CSMD1: variants seen among roughly 807,000 people sequenced by gnomAD.
The protein encoded by CSMD1 is CUB and sushi domain-containing protein 1.
A neutral mutation model predicts 417.5 loss-of-function variants in CSMD1; 213 were observed. That is an observed-to-expected ratio of 0.51 (90% CI 0.46 to 0.57). The LOEUF (loss-of-function observed/expected upper bound fraction) is 0.57. Ranked by LOEUF, CSMD1 falls within the 20% of genes least tolerant of loss-of-function variation. The pLI, the probability that CSMD1 is intolerant of heterozygous loss-of-function variation, is 0.00. For missense variants in CSMD1, 6,923 were observed against 4,529.7 expected, an observed-to-expected ratio of 1.53 and a Z score of -15.17; for synonymous variants, 2,862 against 1,736.8, an observed-to-expected ratio of 1.65 and a Z score of -16.11.
At chr8:4,919,227 T>G (rs1237458783) in intron 1 of CSMD1, among the ~76,000 whole-genome samples, 1 of 152,202 alleles carries the variant, frequency 6.6e-6, no homozygotes, top group East Asian at 1.9e-4. Context: ...AATTTAGTCA[T>G]AGCTACAATT....
chr8:3,779,148 C>CG (rs1799043889), intron 5 of CSMD1, among the ~76,000 whole-genome samples: 1 of 115,356 alleles, frequency 8.7e-6, no homozygotes, highest in African/African-American at 3.4e-5. Context: ...TGCGTGCATA[C>CG]TTGTGTGTGT....
chr8:4,079,410 C>G (rs1585267965), intron 3 of CSMD1, among the ~76,000 whole-genome samples: 1 of 152,140 alleles, frequency 6.6e-6, no homozygotes, highest in East Asian at 1.9e-4. Context: ...TCTATTTTAA[C>G]TCTGGCTAAA....
intron 1 of CSMD1, among the ~76,000 whole-genome samples, chr8:4,719,892 C>A (rs1007590576): frequency 6.6e-6 from 1 of 152,034 alleles, no homozygotes; most frequent in Admixed American, 6.6e-5. Flanking sequence ...GCTCACATAT[C>A]TATATTCGAC....
chr8:3,555,644 G>C (rs1254101153), intron 10 of CSMD1, among the ~76,000 whole-genome samples: 1 of 152,124 alleles, frequency 6.6e-6, no homozygotes, highest in African/African-American at 2.4e-5. Context: ...AGTAAATATG[G>C]AAGTACATGT....
At chr8:3,309,786 G>A (rs976982003) in intron 23 of CSMD1, among the ~76,000 whole-genome samples, 2 of 152,132 alleles carry the variant, frequency 1.3e-5, no homozygotes, top group African/African-American at 2.4e-5. Flanking sequence ...CCCTTCCATT[G>A]AGGAAAATGT....
chr8:4,644,343 C>A (rs1013923775), intron 1 of CSMD1, among the ~76,000 whole-genome samples: 1 of 152,156 alleles, frequency 6.6e-6, no homozygotes, highest in Non-Finnish European at 1.5e-5. Flanking sequence ...TCACTCAATG[C>A]AGTATACTCT....
At chr8:4,671,499 G>T (rs1166760538) in intron 1 of CSMD1, among the ~76,000 whole-genome samples, 1 of 152,168 alleles carries the variant, frequency 6.6e-6, no homozygotes, top group Non-Finnish European at 1.5e-5. Context: ...AATAATAGCA[G>T]TGATGTCGGC....
chr8:4,509,962 G>A (rs1233666491), intron 2 of CSMD1, among the ~76,000 whole-genome samples: 1 of 152,076 alleles, frequency 6.6e-6, no homozygotes, highest in East Asian at 1.9e-4. Context: ...TGATTTTGCT[G>A]TGTCTCCACC....
At chr8:3,964,286 T>A (rs1342775248) in intron 5 of CSMD1, among the ~76,000 whole-genome samples, 1 of 152,188 alleles carries the variant, frequency 6.6e-6, no homozygotes, top group Non-Finnish European at 1.5e-5. Context: ...ACAGGCTGCT[T>A]TAGGGAGCGT....
intron 3 of CSMD1, among the ~76,000 whole-genome samples, chr8:4,373,533 CCT>C (rs1802528863): frequency 6.6e-6 from 1 of 152,064 alleles, no homozygotes; most frequent in African/African-American, 2.4e-5. Flanking sequence ...CTGCATTATT[CCT>C]CTCACTTCTA....
Position 4,286,463 on chromosome 8 carries a change from C to G in CSMD1, c.415+133490G>C, listed in dbSNP as rs549606993. 2.2e-4 allele frequency among the ~76,000 whole-genome samples: 34 copies of G among 152,030 alleles called. 1 individual carries two copies. Among genetic ancestry groups the G allele is most frequent in the Admixed American group, 2.2e-3 (34 of 15,254 alleles). ...TTAGTCGGTTGCAATATGAATTACC[C>G]ATTGTGCCTCTTCATTTTAATAAGA... On this transcript the variant is annotated intron_variant, in intron 3 of 69. Coordinates refer to ENST00000635120, the MANE Select transcript of CSMD1 (RefSeq NM_033225.6).
At chr8:4,168,760 A>G (rs146143591) in intron 3 of CSMD1, among the ~76,000 whole-genome samples, 2 of 152,256 alleles carry the variant, frequency 1.3e-5, no homozygotes, top group African/African-American at 4.8e-5. Flanking sequence ...GTTAGGCTTT[A>G]TTTCTTTTCC....
At chr8:4,332,077 A>G (rs1799898527) in intron 3 of CSMD1, among the ~76,000 whole-genome samples, 1 of 152,130 alleles carries the variant, frequency 6.6e-6, no homozygotes, top group Admixed American at 6.6e-5. Flanking sequence ...GCTCCACTGA[A>G]TCATCTATTT....
intron 3 of CSMD1, among the ~76,000 whole-genome samples, chr8:4,160,880 C>G (rs537329735): frequency 6.6e-6 from 1 of 152,288 alleles, no homozygotes; most frequent in Non-Finnish European, 1.5e-5. Flanking sequence ...CTAAAAAGGA[C>G]ATACTGCTGT....
intron 18 of CSMD1, 111 bp downstream of exon 18, chr8:3,387,383 C>T (rs747020623): frequency 1.3e-5 from 11 of 822,358 alleles, no homozygotes; most frequent in African/African-American, 8.6e-5. Context: ...AGGGAACTCA[C>T]GCCAGTCGTA....
intron 3 of CSMD1, among the ~76,000 whole-genome samples, chr8:4,262,432 C>T (rs1195370016): frequency 1.3e-5 from 2 of 152,212 alleles, no homozygotes; most frequent in Admixed American, 1.3e-4. Flanking sequence ...TAAGAACATC[C>T]TTTCATGTTC....
At chr8:4,365,402 G>T (rs1325691126) in intron 3 of CSMD1, among the ~76,000 whole-genome samples, 2 of 152,038 alleles carry the variant, frequency 1.3e-5, no homozygotes, top group Non-Finnish European at 2.9e-5. Context: ...CTTTTTAAAT[G>T]TTAATTTTGC....
At chr8:4,138,479 C>T (rs916886541) in intron 3 of CSMD1, among the ~76,000 whole-genome samples, 1 of 152,138 alleles carries the variant, frequency 6.6e-6, no homozygotes, top group Non-Finnish European at 1.5e-5. Flanking sequence ...CTACAAGTGC[C>T]TTCATTCCAT....
At chr8:4,105,141 T>A (rs1300126355) in intron 3 of CSMD1, among the ~76,000 whole-genome samples, 2 of 152,154 alleles carry the variant, frequency 1.3e-5, no homozygotes, top group Non-Finnish European at 2.9e-5. Context: ...CAATCACTAA[T>A]AACGTACAAC....
Sources: gnomAD v4.1 joint callset for allele counts (sites outside exome capture counted in the v4.1 genomes callset) on GRCh38, gnomAD v4.1.1 for gene constraint, MANE v1.5 for transcripts, NCBI Gene and HGNC (gene_info 2026-07-23, HGNC 2026-07-21) for gene names.